CENPP: variants seen among roughly 807,000 people sequenced by gnomAD.
The protein encoded by CENPP is centromere protein P.
CENPP carries 24 observed loss-of-function variants against 35.6 expected under a neutral mutation model. The ratio of observed to expected loss-of-function variants is 0.67; its 90% CI spans 0.49 to 0.95. The LOEUF is 0.95. Among genes scored for constraint, CENPP ranks in the 40% least tolerant of loss-of-function variants. The pLI, the probability that CENPP is intolerant of heterozygous loss-of-function variation, is 0.00. For synonymous variants in CENPP, 120 were observed against 125.5 expected (o/e 0.96, Z 0.29); for missense variants, 332 against 345.3 (o/e 0.96, Z 0.31).
At chr9:92,356,430 G>A (rs538824422) in intron 4 of CENPP, among the ~76,000 whole-genome samples, 10 of 152,132 alleles carry the variant, frequency 6.6e-5, no homozygotes, top group Non-Finnish European at 1.3e-4. Context: ...CCTGAAAATC[G>A]CTGCTATTCT....
chr9:92,594,454 T>C (rs948089383), intron 5 of CENPP, among the ~76,000 whole-genome samples: 2 of 152,172 alleles, frequency 1.3e-5, no homozygotes, highest in Non-Finnish European at 2.9e-5. Flanking sequence ...TAATTTTATA[T>C]CTCTGCCTCA....
chr9:92,608,786 CT>C (rs1851153220), intron 5 of CENPP, among the ~76,000 whole-genome samples: 2 of 152,362 alleles, frequency 1.3e-5, no homozygotes, highest in Admixed American at 6.5e-5. Context: ...CTACCTTTGA[CT>C]TTATTTTACA....
chr9:92,571,463 G>A (rs943944338), intron 5 of CENPP, among the ~76,000 whole-genome samples: 19 of 152,276 alleles, frequency 1.2e-4, no homozygotes, highest in African/African-American at 4.6e-4. Context: ...TATAATTTCT[G>A]TTCTTTTACA....
chr9:92,460,495 T>C (rs200065132), intron 5 of CENPP: 180 of 1,601,880 alleles, frequency 1.1e-4, no homozygotes, highest in Non-Finnish European at 1.5e-4. Flanking sequence ...TTTGTATCGT[T>C]TAAAATCCTC....
At chr9:92,439,382 A>G (rs1310369502) in intron 5 of CENPP, among the ~76,000 whole-genome samples, 1 of 152,000 alleles carries the variant, frequency 6.6e-6, no homozygotes, top group South Asian at 2.1e-4. Context: ...TAAAATATAT[A>G]TATTTTTAAA....
intron 5 of CENPP, among the ~76,000 whole-genome samples, chr9:92,448,026 G>C (rs1044996115): frequency 3.9e-5 from 6 of 152,106 alleles, no homozygotes; most frequent in African/African-American, 1.4e-4. Flanking sequence ...GAAATTTTTA[G>C]GGAATAAAGA....
At chr9:92,550,121 G>A (rs1209413486) in intron 5 of CENPP, among the ~76,000 whole-genome samples, 1 of 152,148 alleles carries the variant, frequency 6.6e-6, no homozygotes, top group African/African-American at 2.4e-5. Flanking sequence ...CATTGGGCCG[G>A]GCGTGGTGGC....
At chr9:92,511,699 T>C (rs1847354929) in intron 5 of CENPP, among the ~76,000 whole-genome samples, 1 of 152,202 alleles carries the variant, frequency 6.6e-6, no homozygotes, top group East Asian at 1.9e-4. Flanking sequence ...CAGAAAATAC[T>C]TCAGATGCTA....
intron 5 of CENPP, among the ~76,000 whole-genome samples, chr9:92,608,170 G>A (rs1588315530): frequency 6.6e-6 from 1 of 152,202 alleles, no homozygotes; most frequent in East Asian, 1.9e-4. Context: ...CCTTAAGCCA[G>A]AAGTCTCAGG....
intron 5 of CENPP, chr9:92,522,721 G>T (rs887812230): frequency 6.2e-7 from 1 of 1,614,156 alleles, no homozygotes; most frequent in Non-Finnish European, 8.5e-7. Flanking sequence ...CTGTCTGTTT[G>T]ATCTGTGCTT....
chr9:92,466,417 T>C, intron 5 of CENPP: 1 of 1,611,188 alleles, frequency 6.2e-7, no homozygotes, highest in Middle Eastern at 1.7e-4. Context: ...CTTAACTTTA[T>C]TTTCATGAAT....
In CENPP at chr9:92,539,668, G is replaced by A. The variant is rs145332018; in HGVS notation, c.565-71646G>A. On this transcript the variant is annotated intron_variant, in intron 5 of 7. Coordinates refer to ENST00000375587, the MANE Select transcript of CENPP (RefSeq NM_001012267.3). Reference sequence around the variant, plus strand: ...ATGGAGAGGATGCTAAGTGAGGGGAGGAGTAGTATGGACTTTGTTCTAGGA... The same window carrying A: ...ATGGAGAGGATGCTAAGTGAGGGGAAGAGTAGTATGGACTTTGTTCTAGGA... 1.2e-4 allele frequency among the ~76,000 whole-genome samples: 19 copies of A among 152,234 alleles called. No homozygotes were observed. The East Asian group carries it at 3.7e-3, about 29-fold the overall frequency.
intron 5 of CENPP, among the ~76,000 whole-genome samples, chr9:92,457,748 GTCTC>G (rs34077247): frequency 4.0e-5 from 6 of 151,676 alleles, no homozygotes; most frequent in African/African-American, 1.2e-4. Context: ...ATGGGTCGCT[GTCTC>G]TCTCTCTCTC....
intron 4 of CENPP, among the ~76,000 whole-genome samples, chr9:92,352,538 T>TATATATAA (rs1464334295): frequency 2.6e-5 from 3 of 114,434 alleles, no homozygotes; most frequent in Non-Finnish European, 5.1e-5. Context: ...TATATATATA[T>TATATATAA]AATATAACGG....
At chr9:92,360,403 A>G (rs911660389) in intron 4 of CENPP, among the ~76,000 whole-genome samples, 1 of 152,144 alleles carries the variant, frequency 6.6e-6, no homozygotes, top group African/African-American at 2.4e-5. Flanking sequence ...TATCTCTACA[A>G]AAACAACAAC....
chr9:92,326,070 C>T lies in CENPP; in HGVS notation c.72C>T (p.Asp24=), dbSNP rs532878621. Residue 24 remains aspartate (D), a synonymous_variant, in exon 1 of 8, where the codon GAC becomes GAT. Coordinates refer to ENST00000375587, the MANE Select transcript of CENPP (RefSeq NM_001012267.3). ...EIAALRRACE[D]PPAPWEEKSR... ...CGGCCCTGCGGCGAGCGTGTGAGGA[C>T]CCACCGGCGCCCTGGGAAGAGAAGT... The T allele has an allele frequency of 1.5e-4, 234 of 1,560,694 alleles. No individual in the cohort carries two copies. The highest frequency in any genetic ancestry group is 2.0e-4 in the Non-Finnish European group (227 of 1,152,854).
At chr9:92,583,204 T>C (rs1850469694) in intron 5 of CENPP, among the ~76,000 whole-genome samples, 1 of 152,198 alleles carries the variant, frequency 6.6e-6, no homozygotes. Context: ...CAAGCATGGC[T>C]GGGTGGTGGT....
intron 5 of CENPP, among the ~76,000 whole-genome samples, chr9:92,528,890 T>G (rs1169612771): frequency 6.6e-6 from 1 of 152,194 alleles, no homozygotes; most frequent in Non-Finnish European, 1.5e-5. Context: ...AAAAATCAGT[T>G]TATTGAAACC....
intron 5 of CENPP, chr9:92,459,572 T>C: frequency 6.5e-7 from 1 of 1,535,288 alleles, no homozygotes; most frequent in Non-Finnish European, 8.9e-7. Flanking sequence ...TGTGCTAAAG[T>C]GTGTTATAAA....
Sources: allele counts gnomAD v4.1 joint callset (sites outside exome capture counted in the v4.1 genomes callset), GRCh38; gene constraint gnomAD v4.1.1; transcripts MANE v1.5; gene names NCBI Gene and HGNC (gene_info 2026-07-23, HGNC 2026-07-21).